The following SMCR8 variants were observed in gnomAD, a reference collection of about 807,000 sequenced individuals.
SMCR8 encodes SMCR8-C9orf72 complex subunit.
A neutral mutation model predicts 56.6 loss-of-function variants in SMCR8; 30 were observed. That is an observed-to-expected ratio of 0.53 (90% CI 0.40 to 0.72). SMCR8 has a LOEUF of 0.72. Among genes scored for constraint, SMCR8 ranks in the 30% least tolerant of loss-of-function variants. The pLI is 0.00. For synonymous variants in SMCR8, 538 were observed against 456.0 expected, an observed-to-expected ratio of 1.18 and a Z score of -2.29; for missense variants, 1,198 against 1,157.0, an observed-to-expected ratio of 1.04 and a Z score of -0.51.
Position 18,317,360 on chromosome 17 carries a change from C to T in SMCR8, c.1571C>T (p.Pro524Leu), listed in dbSNP as rs8080966. 0.29 allele frequency: 468,462 copies of T among 1,613,768 alleles called. 70,994 individuals are homozygous for T. The highest frequency in any genetic ancestry group is 0.31 in the Non-Finnish European group (370,101 of 1,179,884). The change falls in exon 1 of 2, where the codon CCC (proline) becomes CTC (leucine). Residue 524 changes from proline to leucine, a missense_variant. Transcript: ENST00000406438. ...EDSIEVLSTCPSEALIPDDFK... is the reference protein window; with the variant it reads ...EDSIEVLSTCLSEALIPDDFK... ...AGTATTGAAGTCCTCAGTACCTGCC[C>T]CTCTGAGGCCCTCATCCCTGATGAC...
At position 18,317,393 on chromosome 17, in the gene SMCR8, C is replaced by A; in HGVS notation, c.1604C>A (p.Ala535Asp). The change falls in exon 1 of 2, where the codon GCC (alanine) becomes GAC (aspartate). Residue 535 changes from alanine to aspartate, a missense_variant. Coordinates refer to ENST00000406438, the MANE Select transcript of SMCR8 (RefSeq NM_144775.3). ...GCCCTCATCCCTGATGACTTTAAGG[C>A]CAGCTACCCAAGTGCCATTAATGAA... is the stretch of plus-strand genomic sequence containing the variant. ...SEALIPDDFK[A>D]SYPSAINEEE... is the part of the protein sequence containing the mutation. 1 of 1,614,084 alleles carries A rather than the reference C, an allele frequency of 6.2e-7. No individual in the cohort carries two copies. The highest frequency in any genetic ancestry group is 1.3e-5 in the African/African-American group (1 of 75,032).
rs1382145507 is a variant in SMCR8, at chr17:18,317,704, T to C, written c.1915T>C (p.Ser639Pro). The C allele has an allele frequency of 1.2e-6, 2 of 1,613,970 alleles. No individual in the cohort carries two copies. Among genetic ancestry groups the C allele is most frequent in the Non-Finnish European group, 1.7e-6 (2 of 1,180,030 alleles). Residue 639 changes from serine (S) to proline (P), a missense_variant, in exon 1 of 2, where the codon TCC becomes CCC. By Grantham distance (74) the Ser-to-Pro change is moderately conservative. Transcript: ENST00000406438. ...DFSVENANPS[S>P]RDNSCEGFPA... ...TTCAGTGGAAAATGCCAACCCTTCT[T>C]CCCGAGACAACAGTTGTGAAGGGTT...
At chr17:18,320,312 C>G (rs934408601) in intron 1 of SMCR8, among the ~76,000 whole-genome samples, 1 of 152,202 alleles carries the variant, frequency 6.6e-6, no homozygotes, top group Non-Finnish European at 1.5e-5. Context: ...CTTGTCCCTT[C>G]CCGTGTCATC....
chr17:18,319,876 A>G (rs1982445210), intron 1 of SMCR8, among the ~76,000 whole-genome samples: 1 of 152,106 alleles, frequency 6.6e-6, no homozygotes, highest in Non-Finnish European at 1.5e-5. Flanking sequence ...GTGCGCCATC[A>G]TGCCAGGCTA....
rs776681181 is a variant in SMCR8 at position 18,316,820 on chromosome 17, T to C, written c.1031T>C (p.Met344Thr). 2.9e-5 allele frequency: 47 copies of C among 1,614,082 alleles called. No individual in the cohort carries two copies. Among genetic ancestry groups the C allele is most frequent in the South Asian group, 1.1e-5 (1 of 91,090 alleles). The change falls in exon 1 of 2, where the codon ATG (methionine) becomes ACG (threonine). Residue 344 changes from methionine to threonine, a missense_variant. By Grantham distance (81) the Met-to-Thr change is moderately conservative. Transcript: ENST00000406438. ...TLAQLSHIEH[M>T]FRGDLCYLLT... ...GCTCAGCTCAGCCACATTGAACACA[T>C]GTTCAGAGGAGACCTGTGTTACCTC...
chr17:18,317,846 C>T lies in SMCR8; in HGVS notation c.2057C>T (p.Ser686Leu). The T allele has an allele frequency of 1.2e-6, 2 of 1,614,194 alleles. No individual in the cohort carries two copies. Reference sequence around the variant, plus strand: ...GTGAGCAGTGTAGCGTCCACCAGCTCAGACAGGATCCCCTCTGCTTATCCT... The same window carrying T: ...GTGAGCAGTGTAGCGTCCACCAGCTTAGACAGGATCCCCTCTGCTTATCCT... Reference protein sequence around the residue: ...SYVSSVASTSSDRIPSAYPAG... With the variant: ...SYVSSVASTSLDRIPSAYPAG... Residue 686 changes from serine (S) to leucine (L), a missense_variant, in exon 1 of 2, where the codon TCA becomes TTA. Ser to Leu is a moderately radical substitution (Grantham distance 145). Coordinates refer to ENST00000406438, the MANE Select transcript of SMCR8 (RefSeq NM_144775.3).
rs1302410763 is a variant in SMCR8, at chr17:18,324,773, C to G, written c.*1703C>G. The G allele has an allele frequency of 6.6e-6, 1 of 152,312 alleles. No individual in the cohort carries two copies. The highest frequency in any genetic ancestry group is 1.9e-4 in the East Asian group (1 of 5,190). The allele number at this position is 152,312 out of a possible 1,614,324, so 9.4% of individuals were successfully genotyped here. A position where few individuals can be genotyped will look rare whatever the true frequency, so the allele number is the denominator to read the frequency against. On this transcript the variant is annotated 3_prime_UTR_variant, in exon 2 of 2. Transcript: ENST00000406438. The stretch of plus-strand genomic sequence containing the variant: ...TTGGCTTCTGTTCAGGGTCCTTGCT[C>G]CCATCAGAGGTGTTTGATTTTGCTC...
At chr17:18,319,309 A>C (rs571384702) in intron 1 of SMCR8, among the ~76,000 whole-genome samples, 1 of 152,170 alleles carries the variant, frequency 6.6e-6, no homozygotes, top group Non-Finnish European at 1.5e-5. Flanking sequence ...GCATGTCCAA[A>C]AAAACACAGC....
chr17:18,318,219 C>A, intron 1 of SMCR8, 70 bp downstream of exon 1: 1 of 1,455,574 alleles, frequency 6.9e-7, no homozygotes. Flanking sequence ...GTGGTGGAGC[C>A]AGAATCAGGA....
rs757009847 is a variant in SMCR8, at chr17:18,316,507, G to C, written c.718G>C (p.Glu240Gln). The change falls in exon 1 of 2, where the codon GAG (glutamate) becomes CAG (glutamine). Residue 240 changes from glutamate to glutamine, a missense_variant. Glu to Gln is a conservative substitution (Grantham distance 29). Coordinates refer to ENST00000406438, the MANE Select transcript of SMCR8 (RefSeq NM_144775.3). Reference protein sequence around the residue: ...IEKANELASVEKSIIEHQDLL... With the variant: ...IEKANELASVQKSIIEHQDLL... ...GAAAGCCAATGAACTGGCCAGTGTG[G>C]AGAAGTCCATCATTGAACATCAAGA... is the stretch of plus-strand genomic sequence containing the variant. The C allele has an allele frequency of 2.0e-5, 32 of 1,614,046 alleles. No individual in the cohort carries two copies. In the Admixed American group the frequency reaches 4.0e-4, roughly 20 times the overall value.
In SMCR8 at chr17:18,316,667, C is replaced by G; in HGVS notation, c.878C>G (p.Thr293Arg). 1 of 1,614,176 alleles carries G rather than the reference C, an allele frequency of 6.2e-7. No homozygotes were observed. The highest frequency in any genetic ancestry group is 1.6e-4 in the Middle Eastern group (1 of 6,062). ...TCTAACCCTGATGAGTCTGCCGACA[C>G]AGACCTTTACACCTGCAGACCAGCC... ...TTSNPDESAD[T>R]DLYTCRPAYT... Residue 293 changes from threonine (T) to arginine (R), a missense_variant, in exon 1 of 2, where the codon ACA becomes AGA. Transcript: ENST00000406438.
At chr17:18,319,636 G>A (rs182289715) in intron 1 of SMCR8, among the ~76,000 whole-genome samples, 31 of 152,248 alleles carry the variant, frequency 2.0e-4, no homozygotes, top group Non-Finnish European at 4.1e-4. Context: ...CTTGTAGTTG[G>A]GTCAGCCATC....
At chr17:18,321,031 G>A (rs1982481991) in intron 1 of SMCR8, among the ~76,000 whole-genome samples, 1 of 152,144 alleles carries the variant, frequency 6.6e-6, no homozygotes, top group Admixed American at 6.5e-5. Flanking sequence ...AGAGTTCTAG[G>A]TCATTCTTCA....
In SMCR8 at chr17:18,317,263, A is replaced by G. The variant is rs773518825; in HGVS notation, c.1474A>G (p.Ser492Gly). Residue 492 changes from serine to glycine, a missense_variant, in exon 1 of 2, where the codon AGC (serine) becomes GGC (glycine). Physicochemically the swap from Ser to Gly is moderately conservative, Grantham distance 56 (BLOSUM62 0). Coordinates refer to ENST00000406438, the MANE Select transcript of SMCR8 (RefSeq NM_144775.3). ...SVLSKSDSQA[S>G]LTVPLSPQVV... ...GCTTTCTAAATCTGACAGCCAGGCA[A>G]GCCTCACAGTACCATTGAGCCCCCA... 1 of 1,614,102 alleles carries G rather than the reference A, an allele frequency of 6.2e-7. No individual in the cohort carries two copies. The highest frequency in any genetic ancestry group is 8.5e-7 in the Non-Finnish European group (1 of 1,180,032).
rs1982677989 is a variant in SMCR8 at position 18,326,974 on chromosome 17, A to AAGAC, written c.*3907_*3910dup. On this transcript the variant is annotated 3_prime_UTR_variant, in exon 2 of 2. Coordinates refer to ENST00000406438, the MANE Select transcript of SMCR8 (RefSeq NM_144775.3). ...CTTCCCACCTCCCTGAAAAGCACAG[A>AAGAC]AGACAGTGCCTTGGTTTGTGTTTTG... 1 of 152,646 alleles carries AAGAC rather than the reference A, an allele frequency of 6.6e-6. No individual in the cohort carries two copies. The highest frequency in any genetic ancestry group is 2.4e-5 in the African/African-American group (1 of 41,462). The allele number at this position is 152,646 out of a possible 1,614,324, so 9.5% of individuals were successfully genotyped here.
Position 18,316,948 on chromosome 17 carries a change from G to C in SMCR8, c.1159G>C (p.Glu387Gln). The C allele has an allele frequency of 6.2e-7, 1 of 1,614,194 alleles. No individual in the cohort carries two copies. Residue 387 changes from glutamate to glutamine, a missense_variant, in exon 1 of 2, where the codon GAA becomes CAA. Transcript: ENST00000406438. ...EVDDRMVEKQESIPSKPSQDR... is the reference protein window; with the variant it reads ...EVDDRMVEKQQSIPSKPSQDR... ...CGATGACAGGATGGTGGAGAAACAAGAAAGCATACCCTCTAAGCCCAGTCA... is the reference window on the plus strand; with the variant it reads ...CGATGACAGGATGGTGGAGAAACAACAAAGCATACCCTCTAAGCCCAGTCA...
In SMCR8 at chr17:18,316,445, C is replaced by T. The variant is rs771564743; in HGVS notation, c.656C>T (p.Ala219Val). The T allele has an allele frequency of 1.3e-5, 21 of 1,614,122 alleles. No homozygotes were observed. The highest frequency in any genetic ancestry group is 1.6e-5 in the Non-Finnish European group (19 of 1,180,032). The part of the protein sequence containing the change: ...LHTETEIQKK[A>V]NDKGFYSSQA... The stretch of plus-strand genomic sequence containing the variant: ...ACAGAAACGGAGATCCAGAAGAAAG[C>T]CAACGACAAAGGCTTTTACTCATCT... Residue 219 changes from alanine to valine, a missense_variant, in exon 1 of 2, where the codon GCC (alanine) becomes GTC (valine). Physicochemically the swap from Ala to Val is moderately conservative, Grantham distance 64. Transcript: ENST00000406438.
At position 18,327,362 on chromosome 17, in the gene SMCR8, A is replaced by T. The variant is rs1176809428; in HGVS notation, c.*4292A>T. ...TTCAGCCCAAGAGTGGAGGCTGTTT[A>T]CAGCGAGCCCTGGAGATGGCAGCTT... On this transcript the variant is annotated 3_prime_UTR_variant, in exon 2 of 2. Coordinates refer to ENST00000406438, the MANE Select transcript of SMCR8 (RefSeq NM_144775.3). 6.6e-6 allele frequency: 1 copy of T among 152,306 alleles called. No individual in the cohort carries two copies. The highest frequency in any genetic ancestry group is 2.1e-4 in the South Asian group (1 of 4,840). The allele number at this position is 152,306 out of a possible 1,614,324, so 9.4% of individuals were successfully genotyped here. A position where few individuals can be genotyped will look rare whatever the true frequency, so the allele number is the denominator to read the frequency against.
Position 18,318,101 on chromosome 17 carries a change from C to G in SMCR8, c.2312C>G (p.Pro771Arg). ...CCCGTGAAACATTGGGCCTCCTCCC[C>G]TTTGCACATTATGGATTTTCAGAAG... ...AKPVKHWASS[P>R]LHIMDFQKWK... Residue 771 changes from proline to arginine, a missense_variant, in exon 1 of 2, where the codon CCT (proline) becomes CGT (arginine). Transcript: ENST00000406438. 3.1e-6 allele frequency: 5 copies of G among 1,613,988 alleles called. No individual in the cohort carries two copies. Among genetic ancestry groups the G allele is most frequent in the Non-Finnish European group, 4.2e-6 (5 of 1,179,804 alleles).
Sources: gnomAD v4.1 joint callset for allele counts (sites outside exome capture counted in the v4.1 genomes callset) on GRCh38, gnomAD v4.1.1 for gene constraint, MANE v1.5 for transcripts, NCBI Gene and HGNC (gene_info 2026-07-23, HGNC 2026-07-21) for gene names.